Variants in ARHGEF9 observed in about 807,000 individuals in gnomAD.
ARHGEF9 encodes the protein Cdc42 guanine nucleotide exchange factor 9, also known as rho guanine nucleotide exchange factor 9.
In ARHGEF9, 2 loss-of-function variants were observed where a neutral mutation model predicts 41.3. That is an observed-to-expected ratio of 0.05 (90% CI 0.02 to 0.15). The LOEUF (loss-of-function observed/expected upper bound fraction) is 0.15. Ranked by LOEUF, ARHGEF9 falls within the 10% of genes least tolerant of loss-of-function variation. ARHGEF9 has a pLI of 1.00. For missense variants in ARHGEF9, 225 were observed against 424.7 expected, an observed-to-expected ratio of 0.53 and a Z score of 4.13; for synonymous variants, 160 against 154.4, an observed-to-expected ratio of 1.04 and a Z score of -0.27.
At chrX:63,712,815 T>G (rs2053031020) in intron 2 of ARHGEF9, 1 of 111,769 alleles carries the variant, frequency 8.9e-6, no homozygotes, top group Non-Finnish European at 1.9e-5. Flanking sequence ...CTACCTCTCC[T>G]GAGGAAACCA....
chrX:63,707,868 T>TA (rs781803556), intron 2 of ARHGEF9, among the ~76,000 whole-genome samples: 59 of 111,580 alleles, frequency 5.3e-4, no homozygotes, highest in African/African-American at 1.8e-3. Flanking sequence ...TCAGTGAACT[T>TA]AGAGATGTCA....
At chrX:63,698,141 CAT>C (rs781891388) in intron 3 of ARHGEF9, among the ~76,000 whole-genome samples, 19 of 103,899 alleles carry the variant, frequency 1.8e-4, no homozygotes, top group East Asian at 8.8e-4. Flanking sequence ...ATAAATATAT[CAT>C]ATATATATAT....
At chrX:63,734,673 A>C (rs1556421771) in intron 1 of ARHGEF9, among the ~76,000 whole-genome samples, 1 of 111,692 alleles carries the variant, frequency 9.0e-6, no homozygotes, top group African/African-American at 3.3e-5. Flanking sequence ...CTGAGGAATT[A>C]CGGTGGCCTG....
chrX:63,784,187 C>T (rs1378057936), intron 1 of ARHGEF9, among the ~76,000 whole-genome samples: 1 of 112,133 alleles, frequency 8.9e-6, no homozygotes, highest in African/African-American at 3.2e-5. Flanking sequence ...CCTTCTAAGG[C>T]CCTTTTGCTT....
At chrX:63,752,375 A>G (rs1323658588) in intron 1 of ARHGEF9, among the ~76,000 whole-genome samples, 5 of 110,954 alleles carry the variant, frequency 4.5e-5, no homozygotes, top group Non-Finnish European at 9.4e-5. Context: ...AAAAAACAAA[A>G]CAAAACAAAA....
chrX:63,726,375 G>C (rs1486006609), intron 1 of ARHGEF9, among the ~76,000 whole-genome samples: 16 of 111,734 alleles, frequency 1.4e-4, no homozygotes, highest in Non-Finnish European at 5.6e-5. Context: ...ATCTCTCTCT[G>C]TTGCCCAGGT....
chrX:63,723,048 G>C (rs1341701390), intron 2 of ARHGEF9, among the ~76,000 whole-genome samples: 1 of 111,676 alleles, frequency 9.0e-6, no homozygotes, highest in African/African-American at 3.3e-5. Context: ...TTTTTACCTT[G>C]AGGAAGGAGG....
At chrX:63,746,317 C>A (rs1484186049) in intron 1 of ARHGEF9, among the ~76,000 whole-genome samples, 1 of 112,213 alleles carries the variant, frequency 8.9e-6, no homozygotes, top group East Asian at 2.8e-4. Context: ...CTGGCCTGAA[C>A]ACATCCCTCT....
intron 1 of ARHGEF9, among the ~76,000 whole-genome samples, chrX:63,781,170 T>C (rs2056373707): frequency 8.9e-6 from 1 of 111,848 alleles, no homozygotes; most frequent in Admixed American, 9.5e-5. Context: ...AAATGTATTG[T>C]TTTCCTCGGT....
At position 63,637,266 on chromosome X, in the gene ARHGEF9, T is replaced by C. The variant is rs1181238084; in HGVS notation, c.*762A>G. The stretch of plus-strand genomic sequence containing the variant: ...CCACTCCAGCATCATCATAGTCTGA[T>C]ACTCCCTTGCTTCTGTTTGGTTTTT... On this transcript the variant is annotated 3_prime_UTR_variant, in exon 10 of 10. Coordinates refer to ENST00000671741, the MANE Select transcript of ARHGEF9 (RefSeq NM_001353921.2). 3.7e-5 allele frequency: 11 copies of C among 295,700 alleles called. No individual in the cohort carries two copies. The highest frequency in any genetic ancestry group is 3.0e-4 in the African/African-American group (11 of 36,374). The allele number at this position is 295,700 out of a possible 1,213,427, so 24.4% of individuals were successfully genotyped here.
intron 8 of ARHGEF9, among the ~76,000 whole-genome samples, chrX:63,653,504 T>C (rs782351388): frequency 1.8e-5 from 2 of 111,743 alleles, no homozygotes; most frequent in East Asian, 5.6e-4. Context: ...CCCTAACTGA[T>C]ACAAGGGGTT....
At chrX:63,778,875 C>A (rs2056336831) in intron 1 of ARHGEF9, among the ~76,000 whole-genome samples, 1 of 112,276 alleles carries the variant, frequency 8.9e-6, no homozygotes, top group Admixed American at 9.4e-5. Flanking sequence ...TCAGCCTGGA[C>A]TTTTTGGTCA....
chrX:63,746,872 T>C (rs1556434530), intron 1 of ARHGEF9, among the ~76,000 whole-genome samples: 2 of 111,817 alleles, frequency 1.8e-5, no homozygotes. Flanking sequence ...CTCAATTCAC[T>C]GTACCACTTC....
At chrX:63,638,517 T>C in intron 9 of ARHGEF9, 1 of 393,664 alleles carries the variant, frequency 2.5e-6, no homozygotes. Flanking sequence ...CAAGGTCACA[T>C]GGTAAGTTAG....
At chrX:63,688,686 C>T (rs1390942634) in intron 4 of ARHGEF9, among the ~76,000 whole-genome samples, 1 of 111,868 alleles carries the variant, frequency 8.9e-6, no homozygotes, top group African/African-American at 3.3e-5. Context: ...AGGAGAATCG[C>T]TTGAACTCGG....
At position 63,678,402 on chromosome X, in the gene ARHGEF9, C is replaced by T. The variant is rs1556365111; in HGVS notation, c.753G>A (p.Gln251=). Reference sequence around the variant, plus strand: ...ACTGTAAGGGATACTTGCAGATCTTCTGCACTGGAGTCAAAAGGAAACCAT... The same window carrying T: ...ACTGTAAGGGATACTTGCAGATCTTTTGCACTGGAGTCAAAAGGAAACCAT... ...AIDGFLLTPV[Q]KICKYPLQLA... is the part of the protein sequence containing the mutation. Residue 251 remains glutamine, a synonymous_variant, in exon 5 of 10, where the codon CAG becomes CAA. Coordinates refer to ENST00000671741, the MANE Select transcript of ARHGEF9 (RefSeq NM_001353921.2). The T allele has an allele frequency of 8.3e-7, 1 of 1,207,336 alleles. No individual in the cohort carries two copies. The highest frequency in any genetic ancestry group is 1.1e-6 in the Non-Finnish European group (1 of 893,278).
chrX:63,737,710 T>C (rs2054702951), intron 1 of ARHGEF9, among the ~76,000 whole-genome samples: 1 of 112,072 alleles, frequency 8.9e-6, no homozygotes, highest in Non-Finnish European at 1.9e-5. Flanking sequence ...AACATCACAA[T>C]TGCTAAGTTG....
intron 8 of ARHGEF9, among the ~76,000 whole-genome samples, chrX:63,653,125 G>C (rs1556331535): frequency 9.0e-6 from 1 of 111,404 alleles, no homozygotes; most frequent in Non-Finnish European, 1.9e-5. Flanking sequence ...CTAATCAGTT[G>C]ACTTTATATA....
intron 4 of ARHGEF9, among the ~76,000 whole-genome samples, chrX:63,693,415 G>A (rs2051490377): frequency 9.1e-6 from 1 of 110,082 alleles, no homozygotes; most frequent in African/African-American, 3.3e-5. Flanking sequence ...TTCCAGACGA[G>A]CCTAGCTAAT....
Sources: gnomAD v4.1 joint callset for allele counts (sites outside exome capture counted in the v4.1 genomes callset) on GRCh38, gnomAD v4.1.1 for gene constraint, MANE v1.5 for transcripts, NCBI Gene and HGNC (gene_info 2026-07-23, HGNC 2026-07-21) for gene names.